The following MAD1L1 variants were observed in gnomAD, a reference collection of about 807,000 sequenced individuals.
The protein encoded by MAD1L1 is mitotic spindle assembly checkpoint protein MAD1.
MAD1L1 carries 95 observed loss-of-function variants against 96.9 expected under a neutral mutation model. The observed-to-expected ratio is 0.98, with a 90% CI of 0.83 to 1.16. The LOEUF is 1.16. Among genes scored for constraint, MAD1L1 ranks in the 50% most tolerant of loss-of-function variants. The pLI is 0.00. For synonymous variants in MAD1L1, 473 were observed against 396.6 expected (o/e 1.19, Z -2.29); for missense variants, 1,007 against 954.4 (o/e 1.06, Z -0.73).
At position 1,890,954 on chromosome 7, in the gene MAD1L1, C is replaced by T. The variant is rs946261355; in HGVS notation, c.1998+7246G>A. On this transcript the variant is annotated intron_variant, in intron 18 of 18. Coordinates refer to ENST00000265854, the MANE Select transcript of MAD1L1 (RefSeq NM_001013836.2). ...TGAGAATGCGGGACCCCAGCAAGAT[C>T]AGACAGACGCCAGCAGCGGGCTCTG... Among the ~76,000 whole-genome samples the T allele has an allele frequency of 2.6e-5, 4 of 152,316 alleles. No individual in the cohort carries two copies. In the East Asian group the frequency reaches 7.7e-4, roughly 29 times the overall value.
Position 1,892,267 on chromosome 7 carries a change from A to T in MAD1L1, c.1998+5933T>A, listed in dbSNP as rs1260747499. Among the ~76,000 whole-genome samples, 3 of 152,206 alleles carry T rather than the reference A, an allele frequency of 2.0e-5. No individual in the cohort carries two copies. In the East Asian group the frequency reaches 5.8e-4, roughly 29 times the overall value. On this transcript the variant is annotated intron_variant, in intron 18 of 18. Coordinates refer to ENST00000265854, the MANE Select transcript of MAD1L1 (RefSeq NM_001013836.2). ...AAGGGTGCGGGAGGCTGCACGGCCC[A>T]GGCTCGTACAAGTCATTCTAGGAAG...
chr7:1,982,747 A>G (rs2128484981), intron 14 of MAD1L1, among the ~76,000 whole-genome samples: 1 of 152,314 alleles, frequency 6.6e-6, no homozygotes, highest in East Asian at 1.9e-4. Context: ...ATACGAAATC[A>G]CAGTTGTGAT....
intron 11 of MAD1L1, among the ~76,000 whole-genome samples, chr7:2,106,354 C>T (rs186289049): frequency 6.6e-6 from 1 of 151,708 alleles, no homozygotes; most frequent in East Asian, 2.0e-4. Flanking sequence ...CCACCCTGCC[C>T]TTCCTTCTCT....
chr7:2,096,618 C>G (rs1040246416), intron 11 of MAD1L1, among the ~76,000 whole-genome samples: 1 of 152,176 alleles, frequency 6.6e-6, no homozygotes, highest in African/African-American at 2.4e-5. Flanking sequence ...ACAGCTTCCC[C>G]CGCTACAGCG....
intron 15 of MAD1L1, among the ~76,000 whole-genome samples, chr7:1,966,494 T>G (rs1780170455): frequency 7.4e-6 from 1 of 135,666 alleles, no homozygotes; most frequent in African/African-American, 2.9e-5. Flanking sequence ...CTCAGCAAAT[T>G]CACAGAAAAG....
chr7:2,085,927 G>A (rs944717958), intron 11 of MAD1L1, among the ~76,000 whole-genome samples: 6 of 152,338 alleles, frequency 3.9e-5, no homozygotes, highest in Admixed American at 1.3e-4. Context: ...CACCAGGTGC[G>A]TACGAGGGCG....
intron 11 of MAD1L1, among the ~76,000 whole-genome samples, chr7:2,102,435 TCAC>T (rs1165710910): frequency 3.8e-5 from 3 of 78,342 alleles, no homozygotes; most frequent in African/African-American, 8.3e-5. Context: ...ACTGTCACCC[TCAC>T]CACCACTGCT....
At chr7:1,945,145 T>C (rs1779170137) in intron 16 of MAD1L1, among the ~76,000 whole-genome samples, 1 of 151,962 alleles carries the variant, frequency 6.6e-6, no homozygotes, top group South Asian at 2.1e-4. Flanking sequence ...CGGCGCCCGC[T>C]CAGCAGGGGC....
chr7:2,095,992 T>C (rs942623990), intron 11 of MAD1L1, among the ~76,000 whole-genome samples: 16 of 152,230 alleles, frequency 1.1e-4, no homozygotes, highest in Admixed American at 5.9e-4. Flanking sequence ...GGGTCCCTCA[T>C]GAGCCTCAGG....
At chr7:2,050,713 C>T (rs920919317) in intron 12 of MAD1L1, among the ~76,000 whole-genome samples, 4 of 152,102 alleles carry the variant, frequency 2.6e-5, no homozygotes, top group South Asian at 2.1e-4. Context: ...GCAGAGGCTG[C>T]GGAGGGAGCA....
intron 3 of MAD1L1, among the ~76,000 whole-genome samples, chr7:2,228,660 CACAT>C (rs1794035391): frequency 2.5e-5 from 2 of 80,770 alleles, no homozygotes; most frequent in African/African-American, 1.4e-4. Context: ...TATACACACA[CACAT>C]ATATATATAT....
intron 11 of MAD1L1, among the ~76,000 whole-genome samples, chr7:2,091,619 A>G (rs1786220484): frequency 6.6e-6 from 1 of 152,214 alleles, no homozygotes; most frequent in Admixed American, 6.5e-5. Context: ...ACCAAAAAAT[A>G]CAAAAAATTA....
chr7:2,060,034 C>G (rs765558276), intron 12 of MAD1L1, among the ~76,000 whole-genome samples: 1 of 152,134 alleles, frequency 6.6e-6, no homozygotes, highest in Non-Finnish European at 1.5e-5. Flanking sequence ...TCACAAGATA[C>G]GCCGATGCCG....
At chr7:2,056,364 C>T (rs61154218) in intron 12 of MAD1L1, among the ~76,000 whole-genome samples, 7,115 of 152,242 alleles carry the variant, frequency 0.047, 269 homozygotes, top group African/African-American at 0.097. Context: ...ATGGGGCTCG[C>T]GCAGGCTCTT....
chr7:1,974,850 T>TGGGGACCA (rs1023420171), intron 15 of MAD1L1, among the ~76,000 whole-genome samples: 15 of 152,304 alleles, frequency 9.8e-5, no homozygotes, highest in South Asian at 8.3e-4. Context: ...CTGAGGATGC[T>TGGGGACCA]GGGGACCAGG....
chr7:1,901,312 G>C (rs1357597840), intron 17 of MAD1L1, among the ~76,000 whole-genome samples: 1 of 152,224 alleles, frequency 6.6e-6, no homozygotes, highest in African/African-American at 2.4e-5. Context: ...TTGCTTTCTT[G>C]TCGGTTGCTC....
chr7:2,181,734 G>A (rs953520859), intron 10 of MAD1L1, among the ~76,000 whole-genome samples: 2 of 152,162 alleles, frequency 1.3e-5, no homozygotes, highest in Admixed American at 6.5e-5. Context: ...CATGTTCACA[G>A]CAGCACAATT....
At chr7:2,198,083 G>GTTTT (rs78102383) in intron 10 of MAD1L1, among the ~76,000 whole-genome samples, 1 of 134,204 alleles carries the variant, frequency 7.5e-6, no homozygotes, top group African/African-American at 2.6e-5. Context: ...ATGAGTTTGG[G>GTTTT]TTTTTTTTTT....
chr7:1,880,401 C>T (rs1363039290), intron 18 of MAD1L1, among the ~76,000 whole-genome samples: 1 of 152,130 alleles, frequency 6.6e-6, no homozygotes, highest in Non-Finnish European at 1.5e-5. Context: ...CTGCTAGGAC[C>T]TCCCTGCAGA....
Sources: allele counts gnomAD v4.1 joint callset (sites outside exome capture counted in the v4.1 genomes callset), GRCh38; gene constraint gnomAD v4.1.1; transcripts MANE v1.5; gene names NCBI Gene and HGNC (gene_info 2026-07-23, HGNC 2026-07-21).